Variants in SGCZ observed in about 807,000 individuals in gnomAD.
The protein encoded by SGCZ is sarcoglycan zeta, also known as zeta-sarcoglycan.
Under a neutral mutation model 41.3 loss-of-function variants are expected in SGCZ, and 40 were observed. The observed-to-expected ratio is 0.97, with a 90% CI of 0.75 to 1.26. The LOEUF (loss-of-function observed/expected upper bound fraction) is 1.26, where lower values mean the gene tolerates loss of function less well. SGCZ is among the 50% of genes most tolerant of loss of function. The probability of loss-of-function intolerance (pLI) is 0.00; values close to 1 mark genes in which losing one functional copy is unlikely to be tolerated. For synonymous variants in SGCZ, 206 were observed against 137.5 expected, an observed-to-expected ratio of 1.50 and a Z score of -3.49; for missense variants, 552 against 369.8, an observed-to-expected ratio of 1.49 and a Z score of -4.04.
intron 5 of SGCZ, chr8:14,162,680 A>C (rs887868959): frequency 7.9e-5 from 12 of 152,250 alleles, no homozygotes; most frequent in Non-Finnish European, 1.8e-4. Context: ...GTGAGTATTC[A>C]TGGGGACCAT....
At chr8:15,067,006 T>A (rs1805175495) in intron 1 of SGCZ, among the ~76,000 whole-genome samples, 1 of 152,204 alleles carries the variant, frequency 6.6e-6, no homozygotes, top group African/African-American at 2.4e-5. Context: ...TAAAACCTTC[T>A]TAGATATTGA....
intron 5 of SGCZ, among the ~76,000 whole-genome samples, chr8:14,134,817 A>G (rs941720051): frequency 1.3e-5 from 2 of 151,862 alleles, no homozygotes; most frequent in Admixed American, 1.3e-4. Flanking sequence ...CAAGTTCTCC[A>G]CCTGTTGTTG....
chr8:14,188,957 G>A (rs1805002441), intron 4 of SGCZ, among the ~76,000 whole-genome samples: 1 of 150,714 alleles, frequency 6.6e-6, no homozygotes, highest in African/African-American at 2.4e-5. Flanking sequence ...CCGGGTTCAA[G>A]CAATTCTTCT....
At chr8:14,594,221 TAAATA>T (rs543133519) in intron 1 of SGCZ, among the ~76,000 whole-genome samples, 6 of 122,956 alleles carry the variant, frequency 4.9e-5, no homozygotes, top group Non-Finnish European at 8.9e-5. Flanking sequence ...AATAAATAAA[TAAATA>T]AAATAAAACA....
chr8:14,375,890 G>A (rs1585422686), intron 2 of SGCZ, among the ~76,000 whole-genome samples: 2 of 152,054 alleles, frequency 1.3e-5, no homozygotes, highest in African/African-American at 2.4e-5. Context: ...ATAGAAAACA[G>A]AAAATTGAAA....
chr8:14,642,602 C>T (rs1270034326), intron 1 of SGCZ, among the ~76,000 whole-genome samples: 1 of 151,414 alleles, frequency 6.6e-6, no homozygotes, highest in Non-Finnish European at 1.5e-5. Flanking sequence ...AAATATTTTT[C>T]TTCCAAATGC....
At chr8:14,324,445 G>A (rs1310795119) in intron 2 of SGCZ, among the ~76,000 whole-genome samples, 2 of 152,060 alleles carry the variant, frequency 1.3e-5, no homozygotes, top group Non-Finnish European at 2.9e-5. Flanking sequence ...CTCTACCAGG[G>A]ACTAGGATTT....
chr8:14,416,012 C>T (rs1043746078), intron 2 of SGCZ, among the ~76,000 whole-genome samples: 11 of 151,984 alleles, frequency 7.2e-5, no homozygotes, highest in African/African-American at 2.6e-4. Context: ...TTAAATTTAT[C>T]ACCAGAAATA....
intron 1 of SGCZ, among the ~76,000 whole-genome samples, chr8:14,593,735 G>A (rs575262495): frequency 6.6e-6 from 1 of 152,246 alleles, no homozygotes; most frequent in South Asian, 2.1e-4. Flanking sequence ...ATTACATATT[G>A]AAACATTTTA....
At chr8:14,744,101 G>C (rs970680579) in intron 1 of SGCZ, among the ~76,000 whole-genome samples, 2 of 148,928 alleles carry the variant, frequency 1.3e-5, no homozygotes, top group African/African-American at 2.5e-5. Context: ...TCTCTTTTAG[G>C]CTTCTCAAAA....
intron 2 of SGCZ, among the ~76,000 whole-genome samples, chr8:14,533,018 A>C (rs1803182153): frequency 1.3e-5 from 2 of 152,046 alleles, no homozygotes; most frequent in African/African-American, 4.8e-5. Flanking sequence ...ATTATACTTT[A>C]AGTTCTAGTG....
intron 2 of SGCZ, among the ~76,000 whole-genome samples, chr8:14,472,554 T>C (rs1316879402): frequency 6.6e-6 from 1 of 152,096 alleles, no homozygotes; most frequent in Non-Finnish European, 1.5e-5. Context: ...CCCAACCATA[T>C]ACTGGGATAT....
chr8:15,143,338 A>G (rs182938206), intron 1 of SGCZ, among the ~76,000 whole-genome samples: 23 of 152,308 alleles, frequency 1.5e-4, no homozygotes, highest in Admixed American at 3.3e-4. Flanking sequence ...AAAAATATCT[A>G]TTGAAAGAAT....
At chr8:14,654,791 T>C (rs1213993952) in intron 1 of SGCZ, among the ~76,000 whole-genome samples, 3 of 151,856 alleles carry the variant, frequency 2.0e-5, no homozygotes, top group Non-Finnish European at 4.4e-5. Flanking sequence ...TTTCCACACA[T>C]GTAAAGGTCT....
At position 15,009,305 on chromosome 8, in the gene SGCZ, C is replaced by G. The variant is rs10104257; in HGVS notation, c.39+228280G>C. ...GGAGGTGCAACACACTTTCAAACAA[C>G]CAGATCTCGTGAGAACTCACTCACT... is the stretch of plus-strand genomic sequence containing the variant. On this transcript the variant is annotated intron_variant, in intron 1 of 7. Coordinates refer to ENST00000382080, the MANE Select transcript of SGCZ (RefSeq NM_139167.4). Among the ~76,000 whole-genome samples, 2,027 of 150,056 alleles carry G rather than the reference C, an allele frequency of 0.014. 79 individuals are homozygous for G. In the East Asian group the frequency reaches 0.16, roughly 12 times the overall value.
intron 1 of SGCZ, among the ~76,000 whole-genome samples, chr8:15,012,698 A>G (rs918139785): frequency 7.1e-6 from 1 of 140,698 alleles, no homozygotes; most frequent in African/African-American, 2.6e-5. Context: ...AAATATAAAT[A>G]TTTTATATAA....
intron 1 of SGCZ, among the ~76,000 whole-genome samples, chr8:15,186,052 T>A (rs1800323557): frequency 6.7e-6 from 1 of 149,570 alleles, no homozygotes. Flanking sequence ...TGAAACCCCG[T>A]CTTTACTAAA....
At chr8:14,886,163 C>A (rs757697390) in intron 1 of SGCZ, among the ~76,000 whole-genome samples, 1 of 151,284 alleles carries the variant, frequency 6.6e-6, no homozygotes, top group East Asian at 2.0e-4. Context: ...TAGTATTGAA[C>A]ATTGTTGATG....
chr8:14,290,387 G>C (rs1368371428), intron 3 of SGCZ, among the ~76,000 whole-genome samples: 2 of 151,970 alleles, frequency 1.3e-5, no homozygotes, highest in Admixed American at 6.6e-5. Flanking sequence ...ATAATGCACA[G>C]AGCAAAGAGA....
Sources: allele counts gnomAD v4.1 joint callset (sites outside exome capture counted in the v4.1 genomes callset), GRCh38; gene constraint gnomAD v4.1.1; transcripts MANE v1.5; gene names NCBI Gene and HGNC (gene_info 2026-07-23, HGNC 2026-07-21).